The following ZC3H12B variants were observed in gnomAD, a reference collection of about 807,000 sequenced individuals.
ZC3H12B encodes probable ribonuclease ZC3H12B.
A neutral mutation model predicts 43.9 loss-of-function variants in ZC3H12B; 7 were observed. That is an observed-to-expected ratio of 0.16 (90% CI 0.09 to 0.30). The LOEUF is 0.30. Ranked by LOEUF, ZC3H12B falls within the 10% of genes least tolerant of loss-of-function variation. ZC3H12B has a pLI of 1.00. For missense variants in ZC3H12B, 475 were observed against 670.2 expected (o/e 0.71, Z 3.22); for synonymous variants, 222 against 241.7 (o/e 0.92, Z 0.76).
chrX:65,140,965 TTAAC>T, the ZC3H12B span, among the ~76,000 whole-genome samples: 1 of 111,998 alleles, frequency 8.9e-6, no homozygotes, highest in African/African-American at 3.2e-5. Context: ...ATTTGTTAGT[TTAAC>T]TAAAAGTTGT....
chrX:65,281,783 C>A, the ZC3H12B span, among the ~76,000 whole-genome samples: 1 of 111,935 alleles, frequency 8.9e-6, no homozygotes, highest in African/African-American at 3.2e-5. Context: ...ACAGATAAGA[C>A]CTTAAAAACA....
chrX:65,361,838 G>A (rs1319007509), upstream of ZC3H12B, among the ~76,000 whole-genome samples: 1 of 111,316 alleles, frequency 9.0e-6, no homozygotes, highest in Non-Finnish European at 1.9e-5. Flanking sequence ...TACAGTAGAG[G>A]CAGCCAAGTA....
intron 2 of ZC3H12B, among the ~76,000 whole-genome samples, chrX:65,397,062 T>A (rs2066708699): frequency 8.9e-6 from 1 of 111,735 alleles, no homozygotes; most frequent in South Asian, 3.8e-4. Context: ...TGGTAAATAT[T>A]CCTCCATTCC....
At chrX:65,403,063 C>T (rs1027670528) in intron 3 of ZC3H12B, among the ~76,000 whole-genome samples, 4 of 111,899 alleles carry the variant, frequency 3.6e-5, no homozygotes, top group African/African-American at 1.3e-4. Context: ...GTTGAGGAAA[C>T]TCAAAGAAAC....
the ZC3H12B span, among the ~76,000 whole-genome samples, chrX:65,059,980 G>A: frequency 1.8e-5 from 2 of 111,935 alleles, no homozygotes; most frequent in African/African-American, 6.5e-5. Flanking sequence ...CATGGCTATC[G>A]TAAATGGATT....
the ZC3H12B span, among the ~76,000 whole-genome samples, chrX:65,282,503 C>CA: frequency 1.1e-4 from 12 of 110,578 alleles, no homozygotes; most frequent in African/African-American, 4.0e-4. Flanking sequence ...TTTTGAGACT[C>CA]AAAAAAATCC....
the ZC3H12B span, among the ~76,000 whole-genome samples, chrX:65,302,502 A>C: frequency 1.8e-5 from 2 of 112,161 alleles, no homozygotes; most frequent in Non-Finnish European, 3.8e-5. Flanking sequence ...CTGATGAAAA[A>C]AATTAAAGAA....
chrX:65,343,296 G>T, the ZC3H12B span, among the ~76,000 whole-genome samples: 13 of 111,813 alleles, frequency 1.2e-4, no homozygotes, highest in Non-Finnish European at 1.7e-4. Context: ...AAATAATTAA[G>T]GAGGAGGGAC....
the ZC3H12B span, among the ~76,000 whole-genome samples, chrX:65,266,094 A>G: frequency 1.8e-5 from 2 of 111,510 alleles, no homozygotes; most frequent in African/African-American, 6.5e-5. Flanking sequence ...AGAGAGAAAA[A>G]GCTCCAGAAA....
At chrX:65,061,657 C>T in the ZC3H12B span, among the ~76,000 whole-genome samples, 1 of 112,110 alleles carries the variant, frequency 8.9e-6, no homozygotes, top group Non-Finnish European at 1.9e-5. Flanking sequence ...AGTAGAATGA[C>T]TTGTAATCCT....
the ZC3H12B span, chrX:65,330,787 G>T: frequency 6.4e-6 from 1 of 155,469 alleles, no homozygotes. Context: ...TTTTTGATGT[G>T]TTGCTGGATT....
chrX:65,461,353 G>A (rs1464670819), intron 3 of ZC3H12B, among the ~76,000 whole-genome samples: 1 of 112,137 alleles, frequency 8.9e-6, no homozygotes, highest in South Asian at 3.7e-4. Flanking sequence ...CCATTACTGG[G>A]TATATAACCA....
At chrX:65,415,626 C>A (rs1185061751) in intron 3 of ZC3H12B, among the ~76,000 whole-genome samples, 2 of 111,880 alleles carry the variant, frequency 1.8e-5, no homozygotes, top group Admixed American at 1.9e-4. Context: ...CTGACCCTGA[C>A]TTCCCATCAT....
intron 2 of ZC3H12B, among the ~76,000 whole-genome samples, chrX:65,384,075 T>C (rs1290950954): frequency 9.8e-6 from 1 of 101,784 alleles, no homozygotes; most frequent in Non-Finnish European, 2.0e-5. Context: ...CACACGTATG[T>C]TTATTGCGGC....
At chrX:65,304,585 C>T in the ZC3H12B span, among the ~76,000 whole-genome samples, 9 of 104,417 alleles carry the variant, frequency 8.6e-5, no homozygotes, top group African/African-American at 2.5e-4. Flanking sequence ...CACTGCACTC[C>T]AGCCTGGGGG....
At chrX:65,252,190 T>C in the ZC3H12B span, among the ~76,000 whole-genome samples, 1 of 112,010 alleles carries the variant, frequency 8.9e-6, no homozygotes, top group Non-Finnish European at 1.9e-5. Context: ...TCTATTGAGA[T>C]AATCATGTGG....
chrX:65,165,660 G>T, the ZC3H12B span, among the ~76,000 whole-genome samples: 1 of 112,502 alleles, frequency 8.9e-6, no homozygotes, highest in Admixed American at 9.4e-5. Context: ...AGTCCATGGG[G>T]TATATGTGCC....
At chrX:65,433,331 C>A (rs1334040756) in intron 3 of ZC3H12B, among the ~76,000 whole-genome samples, 1 of 112,166 alleles carries the variant, frequency 8.9e-6, no homozygotes, top group Non-Finnish European at 1.9e-5. Flanking sequence ...TCTGCAATAC[C>A]ACCTGAAATC....
upstream of ZC3H12B, among the ~76,000 whole-genome samples, chrX:65,364,841 C>G (rs1039579372): frequency 9.0e-6 from 1 of 111,430 alleles, no homozygotes; most frequent in African/African-American, 3.3e-5. Context: ...CCCTACACAT[C>G]AAGCTCAGGG....
Sources: gnomAD v4.1 joint callset for allele counts (sites outside exome capture counted in the v4.1 genomes callset) on GRCh38, gnomAD v4.1.1 for gene constraint, MANE v1.5 for transcripts, NCBI Gene and HGNC (gene_info 2026-07-23, HGNC 2026-07-21) for gene names.